ANK3: variants seen among roughly 807,000 people sequenced by gnomAD.
ANK3 encodes the protein ankyrin 3.
ANK3 carries 57 observed loss-of-function variants against 370.9 expected under a neutral mutation model. That is an observed-to-expected ratio of 0.15 (90% CI 0.12 to 0.19). The LOEUF (loss-of-function observed/expected upper bound fraction) is 0.19, where lower values mean the gene tolerates loss of function less well. Ranked by LOEUF, ANK3 falls within the 10% of genes least tolerant of loss-of-function variation. ANK3 has a pLI of 1.00. For synonymous variants in ANK3, 1,929 were observed against 1,946.3 expected (o/e 0.99, Z 0.23); for missense variants, 4,439 against 5,302.1 (o/e 0.84, Z 5.06).
chr10:60,704,174 C>A (rs1216870752), intron 1 of ANK3, among the ~76,000 whole-genome samples: 1 of 152,186 alleles, frequency 6.6e-6, no homozygotes, highest in African/African-American at 2.4e-5. Flanking sequence ...GCCAGATAAG[C>A]ATAAGCTTAA....
At chr10:60,557,892 T>C (rs922111104) in intron 2 of ANK3, among the ~76,000 whole-genome samples, 3 of 152,206 alleles carry the variant, frequency 2.0e-5, no homozygotes, top group Admixed American at 6.5e-5. Context: ...AGGATGGCAA[T>C]TGAAATTCTA....
chr10:60,338,716 T>C (rs2053590709), intron 1 of ANK3, among the ~76,000 whole-genome samples: 1 of 152,196 alleles, frequency 6.6e-6, no homozygotes. Context: ...TTGATAAAAC[T>C]GTGATACTGC....
chr10:60,606,829 C>T (rs188299695), intron 2 of ANK3, among the ~76,000 whole-genome samples: 1 of 152,272 alleles, frequency 6.6e-6, no homozygotes, highest in East Asian at 1.9e-4. Flanking sequence ...AAAAGCATCC[C>T]CTATGTCATG....
At chr10:60,319,981 G>T (rs1270802224) in intron 1 of ANK3, among the ~76,000 whole-genome samples, 1 of 152,158 alleles carries the variant, frequency 6.6e-6, no homozygotes, top group Non-Finnish European at 1.5e-5. Flanking sequence ...GTTTCCCTCA[G>T]CCTTCTGTGT....
intron 25 of ANK3, among the ~76,000 whole-genome samples, chr10:60,131,797 T>A (rs547163513): frequency 1.3e-5 from 2 of 152,046 alleles, no homozygotes; most frequent in East Asian, 3.9e-4. Flanking sequence ...GTGGTGGAGG[T>A]GACAGTGATG....
chr10:60,227,819 CTTAG>C (rs1368135902), intron 8 of ANK3, among the ~76,000 whole-genome samples: 1 of 152,098 alleles, frequency 6.6e-6, no homozygotes, highest in African/African-American at 2.4e-5. Context: ...ACATATTTAT[CTTAG>C]TTATTTTAAA....
At chr10:60,162,221 G>A (rs925969383) in intron 23 of ANK3, among the ~76,000 whole-genome samples, 17 of 152,116 alleles carry the variant, frequency 1.1e-4, no homozygotes, top group African/African-American at 3.9e-4. Flanking sequence ...TCTATGCAGT[G>A]TTGTTTGCAA....
intron 23 of ANK3, among the ~76,000 whole-genome samples, chr10:60,165,326 T>C (rs1456718220): frequency 6.6e-6 from 1 of 152,224 alleles, no homozygotes; most frequent in Non-Finnish European, 1.5e-5. Flanking sequence ...AGTAGGTATA[T>C]TATTCTAAAA....
intron 33 of ANK3, 91 bp from the exon 34 acceptor site, chr10:60,082,828 G>A (rs1212217076): frequency 4.2e-6 from 6 of 1,417,832 alleles, no homozygotes; most frequent in South Asian, 2.7e-5. Context: ...GTTTTATCAA[G>A]CCCTATGAGA....
chr10:60,523,954 C>T (rs1389082252), intron 2 of ANK3, among the ~76,000 whole-genome samples: 1 of 152,050 alleles, frequency 6.6e-6, no homozygotes, highest in African/African-American at 2.4e-5. Flanking sequence ...TATGTATAAA[C>T]ATACACTGGT....
At chr10:60,340,194 C>T (rs1031627473) in intron 1 of ANK3, among the ~76,000 whole-genome samples, 1 of 152,148 alleles carries the variant, frequency 6.6e-6, no homozygotes, top group African/African-American at 2.4e-5. Flanking sequence ...GTGCTTTAAA[C>T]AAGCCTTCCA....
At chr10:60,226,529 T>TA (rs1491443146) in intron 8 of ANK3, among the ~76,000 whole-genome samples, 1 of 85,996 alleles carries the variant, frequency 1.2e-5, no homozygotes, top group Non-Finnish European at 1.9e-5. Flanking sequence ...TATACTATAG[T>TA]ATATATACAT....
intron 2 of ANK3, among the ~76,000 whole-genome samples, chr10:60,418,961 T>C (rs956418955): frequency 2.6e-4 from 40 of 152,194 alleles, no homozygotes; most frequent in Admixed American, 2.4e-3. Context: ...GTTGTATTTG[T>C]AATATTTACA....
At chr10:60,114,133 T>C in intron 26 of ANK3, 92 bp downstream of exon 26, 1 of 566,926 alleles carries the variant, frequency 1.8e-6, no homozygotes, top group Non-Finnish European at 3.1e-6. Flanking sequence ...TATTCATATA[T>C]ATGAAGCTTG....
At chr10:60,232,089 G>A (rs185463024) in intron 8 of ANK3, among the ~76,000 whole-genome samples, 2 of 152,202 alleles carry the variant, frequency 1.3e-5, no homozygotes, top group East Asian at 3.9e-4. Flanking sequence ...GACCCTCTAT[G>A]CCCTCTAAAG....
chr10:60,646,167 A>T (rs534547669), intron 1 of ANK3, among the ~76,000 whole-genome samples: 189 of 151,570 alleles, frequency 1.2e-3, no homozygotes, highest in African/African-American at 4.2e-3. Context: ...GAAAAAAAAG[A>T]AAAAAAAAGC....
intron 1 of ANK3, among the ~76,000 whole-genome samples, chr10:60,732,995 C>T (rs1232507353): frequency 6.6e-6 from 1 of 151,930 alleles, no homozygotes; most frequent in African/African-American, 2.4e-5. Context: ...CCTCGGGCCC[C>T]CCTCTCTCCT....
At chr10:60,622,920 A>AGT (rs1372384590) in intron 1 of ANK3, among the ~76,000 whole-genome samples, 1 of 152,206 alleles carries the variant, frequency 6.6e-6, no homozygotes. Context: ...ACGCAATGCT[A>AGT]GTGTTTACGT....
chr10:60,478,542 T>C (rs1161305786), intron 2 of ANK3, among the ~76,000 whole-genome samples: 1 of 152,064 alleles, frequency 6.6e-6, no homozygotes, highest in Non-Finnish European at 1.5e-5. Context: ...GTACAGATCA[T>C]TAATATAAGC....
Sources: gnomAD v4.1 joint callset for allele counts (sites outside exome capture counted in the v4.1 genomes callset) on GRCh38, gnomAD v4.1.1 for gene constraint, MANE v1.5 for transcripts, NCBI Gene and HGNC (gene_info 2026-07-23, HGNC 2026-07-21) for gene names.